The following EXD3 variants were observed in gnomAD, a reference collection of about 807,000 sequenced individuals.
EXD3 encodes exonuclease 3'-5' domain containing 3.
In EXD3, 92 loss-of-function variants were observed where a neutral mutation model predicts 98.0. The observed-to-expected ratio is 0.94, with a 90% CI of 0.79 to 1.12. The LOEUF (loss-of-function observed/expected upper bound fraction) is 1.12. Ranked by LOEUF, EXD3 falls within the 50% of genes most tolerant of loss-of-function variation. The pLI, the probability that EXD3 is intolerant of heterozygous loss-of-function variation, is 0.00. For missense variants in EXD3, 1,222 were observed against 1,191.6 expected (o/e 1.03, Z -0.38); for synonymous variants, 569 against 526.0 (o/e 1.08, Z -1.12).
chr9:137,406,996 G>A (rs528140422), intron 1 of EXD3, among the ~76,000 whole-genome samples: 1 of 152,188 alleles, frequency 6.6e-6, no homozygotes, highest in African/African-American at 2.4e-5. Context: ...TCCTGTGACC[G>A]GGAAGGCCCC....
chr9:137,396,308 C>T lies in EXD3; in HGVS notation c.-47-904G>A, dbSNP rs74422930. Among the ~76,000 whole-genome samples, 257 of 152,312 alleles carry T rather than the reference C, an allele frequency of 1.7e-3. 1 individual carries two copies. Among genetic ancestry groups the T allele is most frequent in the African/African-American group, 3.9e-3 (162 of 41,564 alleles). On this transcript the variant is annotated intron_variant, in intron 1 of 21. Transcript: ENST00000340951. ...GATGCAAAACCCTTATCTACACTTA[C>T]GAGGGTCACCCTTCTCCTTCAGTCT... is the stretch of plus-strand genomic sequence containing the variant.
intron 17 of EXD3, among the ~76,000 whole-genome samples, chr9:137,341,044 G>T (rs1833627351): frequency 6.6e-6 from 1 of 152,208 alleles, no homozygotes; most frequent in South Asian, 2.1e-4. Flanking sequence ...AGCTGGGCAG[G>T]GTGGCTCACA....
In EXD3 at chr9:137,309,595, T is replaced by A; in HGVS notation, c.2278+12A>T. The A allele has an allele frequency of 1.9e-6, 3 of 1,553,326 alleles. No individual in the cohort carries two copies. Among genetic ancestry groups the A allele is most frequent in the Non-Finnish European group, 2.6e-6 (3 of 1,148,352 alleles). ...GCCCCCCAGACCCAGTGCCTGACCC[T>A]GACACACTCACCTGAGCTCCTGGGC... On this transcript the variant is annotated intron_variant, in intron 20 of 21. Transcript: ENST00000340951.
chr9:137,316,560 C>G (rs557487687), intron 19 of EXD3, among the ~76,000 whole-genome samples: 1 of 152,334 alleles, frequency 6.6e-6, no homozygotes, highest in East Asian at 1.9e-4. Flanking sequence ...CTCCCAGTGC[C>G]CGGGAGGCAG....
At chr9:137,390,410 C>T (rs1336696045) in intron 2 of EXD3, among the ~76,000 whole-genome samples, 9 of 142,572 alleles carry the variant, frequency 6.3e-5, no homozygotes, top group South Asian at 2.2e-4. Flanking sequence ...CCAGCCTGGG[C>T]GACAGAGCAA....
intron 8 of EXD3, among the ~76,000 whole-genome samples, chr9:137,355,628 TGGAGGAAGGAGGAA>T (rs1564508917): frequency 4.1e-4 from 2 of 4,912 alleles, no homozygotes; most frequent in Admixed American, 2.6e-3. Context: ...GAAGGGAGGA[TGGAGGAAGGAGGAA>T]GGAGGAAGGA....
Position 137,306,909 on chromosome 9 carries a change from C to CCAGCAGT in EXD3, c.*34_*40dup. 2.0e-6 allele frequency: 3 copies of CCAGCAGT among 1,521,420 alleles called. No individual in the cohort carries two copies. Among genetic ancestry groups the CCAGCAGT allele is most frequent in the African/African-American group, 1.4e-5 (1 of 72,604 alleles). 94.2% of individuals were successfully genotyped at this position (1,521,420 alleles called of 1,614,324 possible). Reference sequence around the variant, plus strand: ...TGTGAGCCAGTCCACGGCCATGGGCCCAGCAGTCGGGCACTTTCCATGTTT... The same window carrying CCAGCAGT: ...TGTGAGCCAGTCCACGGCCATGGGCCCAGCAGTCAGCAGTCGGGCACTTTCCATGTTT... On this transcript the variant is annotated 3_prime_UTR_variant, in exon 22 of 22. Coordinates refer to ENST00000340951, the MANE Select transcript of EXD3 (RefSeq NM_017820.5).
chr9:137,327,360 C>T (rs1237421271), intron 17 of EXD3, among the ~76,000 whole-genome samples: 1 of 152,102 alleles, frequency 6.6e-6, no homozygotes, highest in African/African-American at 2.4e-5. Flanking sequence ...GTCTCGACCT[C>T]CTGACCTTGT....
intron 17 of EXD3, among the ~76,000 whole-genome samples, chr9:137,335,419 A>G (rs1833304412): frequency 6.6e-6 from 1 of 151,900 alleles, no homozygotes; most frequent in African/African-American, 2.4e-5. Flanking sequence ...GGTGGCTCAT[A>G]CCTATAATCC....
intron 7 of EXD3, 123 bp from the exon 8 acceptor site, chr9:137,356,491 G>T: frequency 2.9e-6 from 2 of 690,402 alleles, no homozygotes; most frequent in South Asian, 1.8e-5. Context: ...ATAAGAAAAT[G>T]CAGGCGTCAC....
At chr9:137,353,692 A>G (rs9696483) in intron 10 of EXD3, 63,057 of 985,482 alleles carry the variant, frequency 0.064, 2,362 homozygotes, top group African/African-American at 0.17. Flanking sequence ...GGCCCAGCAC[A>G]AGCGAGGGTC....
intron 1 of EXD3, among the ~76,000 whole-genome samples, chr9:137,398,860 GGCACCCGCGTCCCCGTGACACACA>G: frequency 7.3e-6 from 1 of 137,642 alleles, no homozygotes; most frequent in African/African-American, 2.8e-5. Flanking sequence ...AAGACACACA[GGCACCCGCGTCCCCGTGACACACA>G]TGCACCCGCG....
At chr9:137,415,051 C>A (rs541942691) in intron 1 of EXD3, among the ~76,000 whole-genome samples, 22 of 151,894 alleles carry the variant, frequency 1.4e-4, no homozygotes, top group Admixed American at 1.2e-3. Flanking sequence ...CCACGCCCAG[C>A]TAATTTTTGT....
chr9:137,333,793 CTCTTT>C (rs1364128543), intron 17 of EXD3, among the ~76,000 whole-genome samples: 1 of 152,110 alleles, frequency 6.6e-6, no homozygotes, highest in Non-Finnish European at 1.5e-5. Flanking sequence ...CCAGTTGAAC[CTCTTT>C]TCTTATAAGT....
intron 17 of EXD3, among the ~76,000 whole-genome samples, chr9:137,331,462 G>A (rs1184530088): frequency 1.3e-5 from 2 of 152,154 alleles, no homozygotes; most frequent in African/African-American, 4.8e-5. Flanking sequence ...TGGGAAAACA[G>A]GAGGTCAAAC....
Position 137,349,290 on chromosome 9 carries a change from G to T in EXD3, c.1658-8C>A. The stretch of plus-strand genomic sequence containing the variant: ...GGCAGTAGGCGTCGGCAGCTGTGTG[G>T]GGAGTCGGCCTCAGCCTCCCGGGAC... On this transcript the variant is annotated splice_region_variant and splice_polypyrimidine_tract_variant and intron_variant, in intron 15 of 21. Coordinates refer to ENST00000340951, the MANE Select transcript of EXD3 (RefSeq NM_017820.5). This position sits in a 1 kb window ranked among gnomAD's most constrained non-coding sequence, Gnocchi z 7.4. The T allele has an allele frequency of 6.4e-7, 1 of 1,560,762 alleles. No homozygotes were observed. Among genetic ancestry groups the T allele is most frequent in the East Asian group, 2.3e-5 (1 of 42,628 alleles).
At chr9:137,369,954 G>T (rs759013147) in intron 5 of EXD3, among the ~76,000 whole-genome samples, 4 of 152,188 alleles carry the variant, frequency 2.6e-5, no homozygotes, top group African/African-American at 7.2e-5. Context: ...ACATGCAGGC[G>T]TCCTGGGGCC....
Position 137,324,236 on chromosome 9 carries a change from G to C in EXD3, c.1999-93C>G. Reference sequence around the variant, plus strand: ...TCGCCACCCCCTAGCTCCCCGGATCGTGGCCCTGCCCCAGGCCCCTTTTGT... The same window carrying C: ...TCGCCACCCCCTAGCTCCCCGGATCCTGGCCCTGCCCCAGGCCCCTTTTGT... On this transcript the variant is annotated intron_variant, in intron 17 of 21. Transcript: ENST00000340951. This position sits in a 1 kb window ranked among gnomAD's most constrained non-coding sequence, Gnocchi z 4.1. 1 of 1,127,166 alleles carries C rather than the reference G, an allele frequency of 8.9e-7. No homozygotes were observed. 69.8% of individuals were successfully genotyped at this position (1,127,166 alleles called of 1,614,324 possible).
chr9:137,330,881 A>G (rs1453090788), intron 17 of EXD3, among the ~76,000 whole-genome samples: 1 of 152,220 alleles, frequency 6.6e-6, no homozygotes, highest in Non-Finnish European at 1.5e-5. Context: ...AGTGGTCCAC[A>G]CATCATCAAC....
Sources: gnomAD v4.1 joint callset for allele counts (sites outside exome capture counted in the v4.1 genomes callset) on GRCh38, gnomAD v4.1.1 for gene constraint, Gnocchi (gnomAD v3.1) non-coding constraint, MANE v1.5 for transcripts, NCBI Gene and HGNC (gene_info 2026-07-23, HGNC 2026-07-21) for gene names.